Variants in GNAQ observed in about 807,000 individuals in gnomAD.
GNAQ encodes the protein guanine nucleotide-binding protein G(q) subunit alpha.
A neutral mutation model predicts 43.9 loss-of-function variants in GNAQ; 8 were observed. The ratio of observed to expected loss-of-function variants is 0.18; its 90% CI spans 0.11 to 0.33. The LOEUF (loss-of-function observed/expected upper bound fraction) is 0.33. Among genes scored for constraint, GNAQ ranks in the 10% least tolerant of loss-of-function variants. The pLI is 1.00. For synonymous variants in GNAQ, 155 were observed against 170.7 expected (o/e 0.91, Z 0.71); for missense variants, 158 against 450.8 (o/e 0.35, Z 5.88).
At chr9:77,892,038 TTTTGTTTG>T (rs1032123443) in intron 2 of GNAQ, among the ~76,000 whole-genome samples, 2 of 152,172 alleles carry the variant, frequency 1.3e-5, no homozygotes, top group Non-Finnish European at 2.9e-5. Flanking sequence ...CAGATTGTTT[TTTTGTTTG>T]TTTGTTTGCT....
At chr9:78,004,900 G>A (rs941186731) in intron 1 of GNAQ, among the ~76,000 whole-genome samples, 5 of 151,924 alleles carry the variant, frequency 3.3e-5, no homozygotes, top group Admixed American at 3.3e-4. Flanking sequence ...TCCTCATTTG[G>A]CTAAACTGTC....
chr9:77,762,292 G>A (rs1189467551), intron 5 of GNAQ, among the ~76,000 whole-genome samples: 3 of 148,168 alleles, frequency 2.0e-5, no homozygotes, highest in African/African-American at 5.0e-5. Flanking sequence ...CGTCCGGGAG[G>A]GAGGTGGGGG....
At chr9:77,744,403 T>C (rs1438104318) in intron 5 of GNAQ, among the ~76,000 whole-genome samples, 1 of 152,072 alleles carries the variant, frequency 6.6e-6, no homozygotes, top group Non-Finnish European at 1.5e-5. Context: ...CCCCAACCCC[T>C]TTTTCCTGGG....
rs1026136616 is a variant in GNAQ, at chr9:77,719,541, TC to T, written c.*1781del. The T allele has an allele frequency of 8.6e-6, 2 of 232,636 alleles. No homozygotes were observed. Among genetic ancestry groups the T allele is most frequent in the African/African-American group, 4.4e-5 (2 of 45,302 alleles). 14.4% of individuals were successfully genotyped at this position (232,636 alleles called of 1,614,324 possible). Reference sequence around the variant, plus strand: ...CTCATTTAACAGGCCGTGATTTTTCTCCCTCCCCCTTTGTTGTTCCAAAAGA... The same window carrying T: ...CTCATTTAACAGGCCGTGATTTTTCTCCTCCCCCTTTGTTGTTCCAAAAGA... On this transcript the variant is annotated 3_prime_UTR_variant, in exon 7 of 7. Coordinates refer to ENST00000286548, the MANE Select transcript of GNAQ (RefSeq NM_002072.5).
At chr9:77,874,376 A>G (rs1401286439) in intron 2 of GNAQ, among the ~76,000 whole-genome samples, 1 of 152,120 alleles carries the variant, frequency 6.6e-6, no homozygotes, top group African/African-American at 2.4e-5. Context: ...GCGTTCCAAG[A>G]TATTCTTCCT....
intron 2 of GNAQ, among the ~76,000 whole-genome samples, chr9:77,879,685 A>G (rs2118059084): frequency 6.6e-6 from 1 of 152,372 alleles, no homozygotes; most frequent in Non-Finnish European, 1.5e-5. Flanking sequence ...AAGGCCTAAA[A>G]TATTTTTAAA....
chr9:77,957,192 C>T (rs1016392126), intron 1 of GNAQ, among the ~76,000 whole-genome samples: 4 of 151,888 alleles, frequency 2.6e-5, no homozygotes, highest in Admixed American at 1.3e-4. Context: ...CCCTTCTCTA[C>T]TAAAAATAAA....
At chr9:77,849,137 G>A (rs1052603446) in intron 2 of GNAQ, among the ~76,000 whole-genome samples, 2 of 152,032 alleles carry the variant, frequency 1.3e-5, no homozygotes, top group African/African-American at 4.8e-5. Flanking sequence ...TGAGTCACAG[G>A]ACAGCACCCC....
At chr9:77,756,375 G>C (rs945524406) in intron 5 of GNAQ, among the ~76,000 whole-genome samples, 3 of 152,232 alleles carry the variant, frequency 2.0e-5, no homozygotes, top group Non-Finnish European at 4.4e-5. Flanking sequence ...CTGAAAGTCT[G>C]GTCTGCCCCT....
intron 2 of GNAQ, among the ~76,000 whole-genome samples, chr9:77,921,443 G>A (rs576357778): frequency 6.6e-6 from 1 of 152,352 alleles, no homozygotes; most frequent in Non-Finnish European, 1.5e-5. Flanking sequence ...TTTAGAGGAT[G>A]AGCAATCACA....
At chr9:77,827,914 G>T (rs1189225909) in intron 2 of GNAQ, among the ~76,000 whole-genome samples, 2 of 151,266 alleles carry the variant, frequency 1.3e-5, no homozygotes, top group Non-Finnish European at 3.0e-5. Context: ...CAAAAAATTA[G>T]CCGGGCATGG....
intron 4 of GNAQ, 108 bp from the exon 5 acceptor site, chr9:77,794,700 G>A (rs937464785): frequency 1.7e-6 from 1 of 579,404 alleles, no homozygotes; most frequent in African/African-American, 1.9e-5. Flanking sequence ...CTTGAATGAC[G>A]ATGATCATCC....
chr9:77,866,803 A>T (rs192781672), intron 2 of GNAQ, among the ~76,000 whole-genome samples: 6 of 152,266 alleles, frequency 3.9e-5, no homozygotes, highest in Non-Finnish European at 8.8e-5. Context: ...ATTAAAATAC[A>T]AACTTTTTAA....
At chr9:77,745,793 A>G (rs1275718202) in intron 5 of GNAQ, among the ~76,000 whole-genome samples, 1 of 152,058 alleles carries the variant, frequency 6.6e-6, no homozygotes, top group Non-Finnish European at 1.5e-5. Context: ...TTTCCTCTTC[A>G]GCTAAAAGAC....
chr9:78,001,470 T>G (rs1823643287), intron 1 of GNAQ, among the ~76,000 whole-genome samples: 2 of 152,014 alleles, frequency 1.3e-5, no homozygotes, highest in African/African-American at 2.4e-5. Flanking sequence ...TATCCCCAAA[T>G]GGTGGATCAT....
At chr9:77,744,940 A>G (rs1825707462) in intron 5 of GNAQ, among the ~76,000 whole-genome samples, 1 of 152,198 alleles carries the variant, frequency 6.6e-6, no homozygotes, top group African/African-American at 2.4e-5. Flanking sequence ...AAATAATTCA[A>G]GCCACAGATG....
At chr9:77,869,598 A>G (rs1467406796) in intron 2 of GNAQ, among the ~76,000 whole-genome samples, 1 of 152,226 alleles carries the variant, frequency 6.6e-6, no homozygotes, top group Non-Finnish European at 1.5e-5. Context: ...TAACATCATC[A>G]TTCTCTAGAA....
chr9:77,899,702 C>T (rs563426416), intron 2 of GNAQ, among the ~76,000 whole-genome samples: 1 of 151,868 alleles, frequency 6.6e-6, no homozygotes, highest in Non-Finnish European at 1.5e-5. Flanking sequence ...AGGTCAGAGG[C>T]GAAAGACAGC....
chr9:77,894,232 T>C (rs1025687912), intron 2 of GNAQ, among the ~76,000 whole-genome samples: 1 of 84,350 alleles, frequency 1.2e-5, no homozygotes, highest in Non-Finnish European at 2.9e-5. Flanking sequence ...TCTTAAAATA[T>C]AACTAAATTT....
Sources: gnomAD v4.1 joint callset for allele counts (sites outside exome capture counted in the v4.1 genomes callset) on GRCh38, gnomAD v4.1.1 for gene constraint, MANE v1.5 for transcripts, NCBI Gene and HGNC (gene_info 2026-07-23, HGNC 2026-07-21) for gene names.